Variants in LIFR observed in about 807,000 individuals in gnomAD.
LIFR encodes leukemia inhibitory factor receptor.
Under a neutral mutation model 122.2 loss-of-function variants are expected in LIFR, and 84 were observed. The ratio of observed to expected loss-of-function variants is 0.69; its 90% CI spans 0.58 to 0.82. LIFR has a LOEUF of 0.82. Among genes scored for constraint, LIFR ranks in the 40% least tolerant of loss-of-function variants. The pLI is 0.00. For synonymous variants in LIFR, 422 were observed against 434.7 expected, an observed-to-expected ratio of 0.97 and a Z score of 0.36; for missense variants, 1,294 against 1,311.6, an observed-to-expected ratio of 0.99 and a Z score of 0.21.
At chr5:38,499,641 T>C in intron 11 of LIFR, 58 bp from the exon 12 acceptor site, 1 of 1,171,154 alleles carries the variant, frequency 8.5e-7, no homozygotes, top group Non-Finnish European at 1.3e-6. Flanking sequence ...TATATGGTGC[T>C]TGGCATTTTT....
chr5:38,516,021 A>G (rs187540978), intron 5 of LIFR, among the ~76,000 whole-genome samples: 23 of 152,382 alleles, frequency 1.5e-4, no homozygotes, highest in East Asian at 1.2e-3. Flanking sequence ...TACTATTAAT[A>G]AAAATGCCCT....
At chr5:38,608,253 T>TACTGAGGTC (rs1426119527) in exon 1 of LIFR, 5 of 152,154 alleles carry the variant, frequency 3.3e-5, no homozygotes, top group African/African-American at 1.2e-4. Context: ...GAACATGTTC[T>TACTGAGGTC]TTGGGTTTCC....
At chr5:38,488,708 T>C (rs1744417142) in intron 16 of LIFR, among the ~76,000 whole-genome samples, 1 of 152,180 alleles carries the variant, frequency 6.6e-6, no homozygotes, top group Non-Finnish European at 1.5e-5. Flanking sequence ...AGCTAACTCT[T>C]TGGATTCCTG....
In LIFR at chr5:38,506,488, C is replaced by T. The variant is rs765961613; in HGVS notation, c.1121+15G>A. 4 of 1,614,006 alleles carry T rather than the reference C, an allele frequency of 2.5e-6. No homozygotes were observed. Among genetic ancestry groups the T allele is most frequent in the Non-Finnish European group, 3.4e-6 (4 of 1,179,910 alleles). ...TACTCCTTGCCATCTGACATCTTTT[C>T]CCAGTTATCATTACCTTTCAACTAA... On this transcript the variant is annotated intron_variant, in intron 8 of 19. Transcript: ENST00000453190.
intron 1 of LIFR, among the ~76,000 whole-genome samples, chr5:38,540,141 A>C (rs1747510500): frequency 6.6e-6 from 1 of 152,188 alleles, no homozygotes; most frequent in Non-Finnish European, 1.5e-5. Context: ...AATAGGTGAC[A>C]GGTAGGGGCT....
chr5:38,558,352 C>T (rs927151244), upstream of LIFR: 5 of 152,104 alleles, frequency 3.3e-5, no homozygotes, highest in South Asian at 2.1e-4. Flanking sequence ...ATAAAATGCT[C>T]ATTTCTGTGG....
In LIFR at chr5:38,511,187, C is replaced by A. The variant is rs1745781360; in HGVS notation, c.737-469G>T. The stretch of plus-strand genomic sequence containing the variant: ...CAGCCTAAATATATGCCCAAGTACT[C>A]CACACCCTAAAAAACAACTTACTTT... On this transcript the variant is annotated intron_variant, in intron 6 of 19. Coordinates refer to ENST00000453190, the MANE Select transcript of LIFR (RefSeq NM_001127671.2). Among the ~76,000 whole-genome samples the A allele has an allele frequency of 2.0e-5, 3 of 152,148 alleles. No individual in the cohort carries two copies. In the South Asian group the frequency reaches 6.2e-4, roughly 31 times the overall value.
intron 5 of LIFR, 48 bp downstream of exon 5, chr5:38,523,371 A>G (rs747561981): frequency 6.6e-7 from 1 of 1,511,874 alleles, no homozygotes; most frequent in South Asian, 1.2e-5. Context: ...AAAAAAAATT[A>G]TTCAGTTTCT....
intron 14 of LIFR, among the ~76,000 whole-genome samples, chr5:38,492,694 T>G (rs373364921): frequency 6.6e-5 from 10 of 152,120 alleles, no homozygotes; most frequent in African/African-American, 2.2e-4. Flanking sequence ...AGAGAAACAG[T>G]AAGCAAGTAG....
intron 1 of LIFR, among the ~76,000 whole-genome samples, chr5:38,541,017 C>A (rs966349603): frequency 3.9e-5 from 6 of 152,160 alleles, no homozygotes; most frequent in Non-Finnish European, 8.8e-5. Context: ...GCTTTCCACT[C>A]CAAAATAATT....
intron 14 of LIFR, among the ~76,000 whole-genome samples, chr5:38,492,500 G>T (rs1344625896): frequency 6.6e-6 from 1 of 152,170 alleles, no homozygotes; most frequent in Non-Finnish European, 1.5e-5. Context: ...GGTAGCATGT[G>T]GCTGGGTCCT....
intron 1 of LIFR, among the ~76,000 whole-genome samples, chr5:38,592,982 A>T (rs1749977817): frequency 6.6e-6 from 1 of 151,966 alleles, no homozygotes; most frequent in African/African-American, 2.4e-5. Flanking sequence ...AGGCGGATAG[A>T]TCACGAGGCC....
chr5:38,526,531 A>C (rs1371507742), intron 4 of LIFR, among the ~76,000 whole-genome samples: 2 of 152,052 alleles, frequency 1.3e-5, no homozygotes, highest in Non-Finnish European at 2.9e-5. Context: ...ACTTTTATTT[A>C]GTAGCAAATT....
chr5:38,520,600 T>C (rs1033674719), intron 5 of LIFR, among the ~76,000 whole-genome samples: 1 of 152,198 alleles, frequency 6.6e-6, no homozygotes, highest in African/African-American at 2.4e-5. Context: ...CTATCTTGAG[T>C]TGATTTTTGT....
chr5:38,533,827 G>A (rs959450993), intron 1 of LIFR, among the ~76,000 whole-genome samples: 5 of 152,166 alleles, frequency 3.3e-5, no homozygotes, highest in Non-Finnish European at 5.9e-5. Flanking sequence ...TGTGCAGAAG[G>A]AGGCCTCAGG....
In LIFR at chr5:38,527,154, C is replaced by A. The variant is rs1342555870; in HGVS notation, c.397+1G>T. 3 of 1,590,386 alleles carry A rather than the reference C, an allele frequency of 1.9e-6. No individual in the cohort carries two copies. The highest frequency in any genetic ancestry group is 2.6e-6 in the Non-Finnish European group (3 of 1,161,594). ...AATTGAGTTTGTTTTCAAATACTTACAAACGTTTTGTTCATTTAGTGTGAA... is the reference window on the plus strand; with the variant it reads ...AATTGAGTTTGTTTTCAAATACTTAAAAACGTTTTGTTCATTTAGTGTGAA... On this transcript the variant is annotated splice_donor_variant, in intron 4 of 19. Coordinates refer to ENST00000453190, the MANE Select transcript of LIFR (RefSeq NM_001127671.2). LOFTEE classifies it high-confidence loss of function.
intron 1 of LIFR, among the ~76,000 whole-genome samples, chr5:38,542,221 G>C (rs1747629293): frequency 6.6e-6 from 1 of 152,166 alleles, no homozygotes; most frequent in Admixed American, 6.5e-5. Context: ...CATAGAAGAA[G>C]TACCCACATG....
At position 38,496,478 on chromosome 5, in the gene LIFR, G is replaced by C. The variant is rs121912501; in HGVS notation, c.1789C>G (p.Arg597Gly). Residue 597 changes from arginine to glycine, a missense_variant, in exon 13 of 20, where the codon CGA (arginine) becomes GGA (glycine). Coordinates refer to ENST00000453190, the MANE Select transcript of LIFR (RefSeq NM_001127671.2). ...ATGATGTAGTCATTCTTATCAAGTC[G>C]TATCTCTGCTTTGTGCTGAGGATCA... ...IPDPQHKAEI[R>G]LDKNDYIISV... 6.2e-7 allele frequency: 1 copy of C among 1,613,890 alleles called. No individual in the cohort carries two copies. Among genetic ancestry groups the C allele is most frequent in the South Asian group, 1.1e-5 (1 of 91,080 alleles).
intron 2 of LIFR, among the ~76,000 whole-genome samples, chr5:38,601,226 A>G (rs1750216678): frequency 6.6e-6 from 1 of 152,226 alleles, no homozygotes. Context: ...ACGTGAGGAC[A>G]CAGGGAGAAT....
Sources: gnomAD v4.1 joint callset for allele counts (sites outside exome capture counted in the v4.1 genomes callset) on GRCh38, gnomAD v4.1.1 for gene constraint, MANE v1.5 for transcripts, NCBI Gene and HGNC (gene_info 2026-07-23, HGNC 2026-07-21) for gene names.